Variants in RBM25 observed in about 807,000 individuals in gnomAD.
The protein encoded by RBM25 is RNA-binding protein 25.
Under a neutral mutation model 120.7 loss-of-function variants are expected in RBM25, and 19 were observed. The ratio of observed to expected loss-of-function variants is 0.16; its 90% CI spans 0.11 to 0.23. RBM25 has a LOEUF of 0.23. RBM25 is among the 10% of genes least tolerant of loss of function. RBM25 has a pLI of 1.00. For missense variants in RBM25, 605 were observed against 1,041.5 expected, an observed-to-expected ratio of 0.58 and a Z score of 5.77; for synonymous variants, 390 against 326.7, an observed-to-expected ratio of 1.19 and a Z score of -2.09.
chr14:73,084,753 T>C (rs900929071), intron 5 of RBM25, among the ~76,000 whole-genome samples: 15 of 151,864 alleles, frequency 9.9e-5, no homozygotes, highest in Non-Finnish European at 1.6e-4. Context: ...GGTTTCTCCA[T>C]GTTGGTCAGG....
At chr14:73,061,303 C>A (rs1243295630) in intron 1 of RBM25, among the ~76,000 whole-genome samples, 1 of 151,232 alleles carries the variant, frequency 6.6e-6, no homozygotes, top group Non-Finnish European at 1.5e-5. Context: ...AGGTGATCCA[C>A]CCGCCTTGGC....
At chr14:73,075,451 G>A (rs1309665716) in intron 2 of RBM25, among the ~76,000 whole-genome samples, 2 of 152,080 alleles carry the variant, frequency 1.3e-5, no homozygotes, top group Admixed American at 6.6e-5. Context: ...GAGCCACTGC[G>A]CCCGGCCCAT....
intron 6 of RBM25, among the ~76,000 whole-genome samples, chr14:73,094,812 T>G (rs1336516465): frequency 3.5e-4 from 1 of 2,892 alleles, no homozygotes; most frequent in Non-Finnish European, 6.2e-4. Flanking sequence ...AGGAGCGAGG[T>G]GTGTGTGTGT....
At chr14:73,100,459 G>GTA (rs1336315558) in intron 9 of RBM25, 2 of 502,122 alleles carry the variant, frequency 4.0e-6, no homozygotes, top group Non-Finnish European at 7.2e-6. Flanking sequence ...TTTATGCATA[G>GTA]TAAATCCCAC....
intron 12 of RBM25, 92 bp downstream of exon 12, chr14:73,106,377 C>A: frequency 9.9e-7 from 1 of 1,005,650 alleles, no homozygotes; most frequent in Non-Finnish European, 1.4e-6. Context: ...AATTGAAATG[C>A]ACAAGCTTCT....
chr14:73,087,901 T>C, intron 5 of RBM25, 100 bp from the exon 6 acceptor site: 1 of 1,168,040 alleles, frequency 8.6e-7, no homozygotes, highest in Non-Finnish European at 1.2e-6. Flanking sequence ...GAGTGGTCTT[T>C]GTATTAAAAC....
chr14:73,084,829 C>A (rs1014110339), intron 5 of RBM25, among the ~76,000 whole-genome samples: 1 of 150,436 alleles, frequency 6.6e-6, no homozygotes, highest in Non-Finnish European at 1.5e-5. Flanking sequence ...AGATTATAGG[C>A]ACGAGCCACT....
Position 73,120,312 on chromosome 14 carries a change from A to G in RBM25, c.*507A>G, listed in dbSNP as rs1233028270. On this transcript the variant is annotated 3_prime_UTR_variant, in exon 19 of 19. Coordinates refer to ENST00000261973, the MANE Select transcript of RBM25 (RefSeq NM_021239.3). ...AAAAATTAGCAGACAATCCATTCCT[A>G]CTGTATTTCTGTATGAATGTGTTTG... is the stretch of plus-strand genomic sequence containing the variant. The G allele has an allele frequency of 3.9e-5, 6 of 152,944 alleles. No individual in the cohort carries two copies. The highest frequency in any genetic ancestry group is 1.2e-4 in the African/African-American group (5 of 41,578). The allele number at this position is 152,944 out of a possible 1,614,324, so 9.5% of individuals were successfully genotyped here.
chr14:73,103,905 GTCTCTCTCTC>G lies in RBM25; in HGVS notation c.1154+462_1154+471del, dbSNP rs72346306. ...TCTTTGTCTGTCTGTCTGTCTGTCT[GTCTCTCTCTC>G]TCTCTCTCTCTCTCTCTCTCTCTCT... is the stretch of plus-strand genomic sequence containing the variant. On this transcript the variant is annotated intron_variant, in intron 10 of 18. Transcript: ENST00000261973. Among the ~76,000 whole-genome samples the G allele has an allele frequency of 5.1e-3, 466 of 91,630 alleles. 1 individual carries two copies. The highest frequency in any genetic ancestry group is 0.01 in the East Asian group (32 of 3,118). 60.1% of individuals were successfully genotyped at this position (91,630 alleles called of 152,430 possible).
At chr14:73,080,444 C>T (rs1197643630) in intron 4 of RBM25, among the ~76,000 whole-genome samples, 7 of 151,920 alleles carry the variant, frequency 4.6e-5, no homozygotes, top group African/African-American at 9.7e-5. Flanking sequence ...AGGATGGTCT[C>T]GATCTCCTGA....
chr14:73,115,098 A>C (rs776885347), intron 18 of RBM25, among the ~76,000 whole-genome samples: 9 of 151,916 alleles, frequency 5.9e-5, no homozygotes, highest in Non-Finnish European at 1.3e-4. Context: ...AGAACATCTG[A>C]TGGCATTGAT....
chr14:73,113,921 T>G (rs1028955740), intron 17 of RBM25, among the ~76,000 whole-genome samples: 1 of 152,190 alleles, frequency 6.6e-6, no homozygotes, highest in African/African-American at 2.4e-5. Context: ...ATAAAACAGT[T>G]AACATAGTAG....
In RBM25 at chr14:73,119,739, T is replaced by C. The variant is rs1896507302; in HGVS notation, c.2466T>C (p.Phe822=). 6.2e-7 allele frequency: 1 copy of C among 1,612,056 alleles called. No individual in the cohort carries two copies. Among genetic ancestry groups the C allele is most frequent in the African/African-American group, 1.3e-5 (1 of 74,840 alleles). ...TACTTGATGAAGAAGCAGAAGTTTT[T>C]ATAGTCAAAATGTGGAGATTATTGA... The part of the protein sequence containing the change: ...AMVLDEEAEV[F]IVKMWRLLIY... The change falls in exon 19 of 19, where the codon TTT becomes TTC. Residue 822 remains phenylalanine, a synonymous_variant. Transcript: ENST00000261973.
In RBM25 at chr14:73,111,643, A is replaced by G. The variant is rs1392466342; in HGVS notation, c.2133A>G (p.Lys711=). The change falls in exon 16 of 19, where the codon AAA becomes AAG. Residue 711 remains lysine (K), a synonymous_variant. Coordinates refer to ENST00000261973, the MANE Select transcript of RBM25 (RefSeq NM_021239.3). ...GTGATGACGTACCCCGAAAAAGGAA[A>G]CTGGTTCCCTTGGATTATGGTGAAG... ...EDSDDVPRKR[K]LVPLDYGEDD... 4.3e-6 allele frequency: 7 copies of G among 1,614,072 alleles called. No homozygotes were observed. Among genetic ancestry groups the G allele is most frequent in the Non-Finnish European group, 5.9e-6 (7 of 1,180,034 alleles).
intron 10 of RBM25, among the ~76,000 whole-genome samples, chr14:73,103,948 T>TCTCTCACACACACA (rs1594928335): frequency 2.1e-4 from 19 of 91,420 alleles, no homozygotes; most frequent in Non-Finnish European, 3.7e-4. Flanking sequence ...TCTCTCTCTC[T>TCTCTCACACACACA]CACACACACA....
intron 5 of RBM25, among the ~76,000 whole-genome samples, chr14:73,084,301 T>C (rs1463948807): frequency 6.6e-6 from 1 of 152,178 alleles, no homozygotes; most frequent in African/African-American, 2.4e-5. Flanking sequence ...ATTTTTTTTA[T>C]TAGCACCATC....
intron 6 of RBM25, among the ~76,000 whole-genome samples, chr14:73,093,966 T>C (rs1233938406): frequency 3.4e-5 from 5 of 148,196 alleles, no homozygotes; most frequent in South Asian, 4.3e-4. Context: ...TTTTTTTTTT[T>C]CTTGAGACAG....
At chr14:73,061,420 C>T (rs1031151288) in intron 1 of RBM25, among the ~76,000 whole-genome samples, 5 of 151,258 alleles carry the variant, frequency 3.3e-5, no homozygotes, top group African/African-American at 1.2e-4. Context: ...CCTGTAAGTG[C>T]ACAATTCAAT....
chr14:73,119,421 A>G (rs905560699), intron 18 of RBM25, among the ~76,000 whole-genome samples: 16 of 152,252 alleles, frequency 1.1e-4, no homozygotes, highest in Non-Finnish European at 1.9e-4. Context: ...GCACGCTGCC[A>G]TGCCCAGCTA....
Sources: gnomAD v4.1 joint callset for allele counts (sites outside exome capture counted in the v4.1 genomes callset) on GRCh38, gnomAD v4.1.1 for gene constraint, MANE v1.5 for transcripts, NCBI Gene and HGNC (gene_info 2026-07-23, HGNC 2026-07-21) for gene names.